VPS37A: variants seen among roughly 807,000 people sequenced by gnomAD.
VPS37A encodes the protein vacuolar protein sorting-associated protein 37A.
Under a neutral mutation model 49.8 loss-of-function variants are expected in VPS37A, and 30 were observed. The ratio of observed to expected loss-of-function variants is 0.60; its 90% CI spans 0.45 to 0.82. VPS37A has a LOEUF of 0.82. Ranked by LOEUF, VPS37A falls within the 40% of genes least tolerant of loss-of-function variation. The pLI is 0.00. For synonymous variants in VPS37A, 195 were observed against 160.6 expected, an observed-to-expected ratio of 1.21 and a Z score of -1.62; for missense variants, 593 against 464.4, an observed-to-expected ratio of 1.28 and a Z score of -2.55.
the VPS37A span, among the ~76,000 whole-genome samples, chr8:17,325,584 T>G: frequency 1.3e-5 from 2 of 152,226 alleles, no homozygotes; most frequent in Non-Finnish European, 2.9e-5. Context: ...ATGCCTGAGC[T>G]GACGCGGGGC....
intron 1 of VPS37A, among the ~76,000 whole-genome samples, chr8:17,251,492 G>A (rs1335841915): frequency 2.0e-5 from 3 of 152,174 alleles, no homozygotes; most frequent in African/African-American, 4.8e-5. Flanking sequence ...CATAGAATCA[G>A]TGTGCTTGAA....
chr8:17,330,818 T>G, the VPS37A span, among the ~76,000 whole-genome samples: 1 of 152,214 alleles, frequency 6.6e-6, no homozygotes, highest in Non-Finnish European at 1.5e-5. Context: ...TTGCTTTAAA[T>G]GTAGGATTGC....
intron 10 of VPS37A, among the ~76,000 whole-genome samples, chr8:17,285,067 T>TG (rs1815461711): frequency 6.6e-6 from 1 of 152,102 alleles, no homozygotes; most frequent in Admixed American, 6.5e-5. Flanking sequence ...AATTTTTTTT[T>TG]TGACAGCATA....
chr8:17,325,836 T>C, the VPS37A span, among the ~76,000 whole-genome samples: 4 of 152,186 alleles, frequency 2.6e-5, no homozygotes, highest in Non-Finnish European at 5.9e-5. Context: ...TAGGAAGGCA[T>C]GGGGCCTACC....
the VPS37A span, chr8:17,331,199 C>G: frequency 6.2e-7 from 1 of 1,612,786 alleles, no homozygotes; most frequent in Non-Finnish European, 8.5e-7. Context: ...TGTTCTCTAT[C>G]CCGATAAACT....
chr8:17,287,058 C>T (rs950189594), intron 11 of VPS37A, among the ~76,000 whole-genome samples: 2 of 152,122 alleles, frequency 1.3e-5, no homozygotes, highest in African/African-American at 2.4e-5. Context: ...CCTTACATTG[C>T]GTTGTCTTAC....
At chr8:17,302,378 T>A (rs1817174471), downstream of VPS37A, 2 of 1,339,836 alleles carry the variant, frequency 1.5e-6, no homozygotes, top group Non-Finnish European at 2.0e-6. Flanking sequence ...ACAGTCTTAA[T>A]AATAACCAAA....
At position 17,287,156 on chromosome 8, in the gene VPS37A, T is replaced by C. The variant is rs73208589; in HGVS notation, c.*729T>C. 3.4e-3 allele frequency among the ~76,000 whole-genome samples: 524 copies of C among 152,318 alleles called. 2 individuals carry two copies. The highest frequency in any genetic ancestry group is 4.4e-3 in the Non-Finnish European group (301 of 68,020). ...CTTTCCTTTTCCTCTGCATCTGTTT[T>C]GTTTTAGGAATGATTTGTTTGCAAG... On this transcript the variant is annotated intron_variant, in intron 11 of 11. Coordinates refer to ENST00000324849, the MANE Select transcript of VPS37A (RefSeq NM_152415.3).
chr8:17,274,388 C>T (rs1814299979), intron 4 of VPS37A, among the ~76,000 whole-genome samples: 1 of 152,164 alleles, frequency 6.6e-6, no homozygotes, highest in African/African-American at 2.4e-5. Flanking sequence ...GCTCTGCATT[C>T]CCTCTATGGA....
chr8:17,274,225 G>T (rs138721137), intron 4 of VPS37A, among the ~76,000 whole-genome samples: 1 of 152,202 alleles, frequency 6.6e-6, no homozygotes, highest in Non-Finnish European at 1.5e-5. Flanking sequence ...ATATGCATCT[G>T]TTTTTAATAT....
At position 17,297,622 on chromosome 8, in the gene VPS37A, A is replaced by C. The variant is rs1816786906; in HGVS notation, c.*2636A>C. The C allele has an allele frequency of 6.6e-6, 1 of 152,072 alleles. No individual in the cohort carries two copies. The highest frequency in any genetic ancestry group is 6.6e-5 in the Admixed American group (1 of 15,260). The allele number at this position is 152,072 out of a possible 1,614,324, so 9.4% of individuals were successfully genotyped here. ...TTCTATATATTACTAATTGGGAAGT[A>C]ATATGCCTCAAATCAGTTTTATACT... On this transcript the variant is annotated 3_prime_UTR_variant, in exon 12 of 12. Transcript: ENST00000324849.
At chr8:17,269,571 G>C (rs1164879195) in intron 4 of VPS37A, among the ~76,000 whole-genome samples, 6 of 152,128 alleles carry the variant, frequency 3.9e-5, no homozygotes, top group African/African-American at 1.4e-4. Context: ...TATCAAACCA[G>C]TAAGATAATA....
chr8:17,329,650 ATAACT>A, the VPS37A span, among the ~76,000 whole-genome samples: 1 of 152,250 alleles, frequency 6.6e-6, no homozygotes, highest in African/African-American at 2.4e-5. Context: ...AAAAATTTAA[ATAACT>A]TAAGGGTCCT....
the VPS37A span, among the ~76,000 whole-genome samples, chr8:17,316,688 A>G: frequency 6.6e-6 from 1 of 152,244 alleles, no homozygotes; most frequent in African/African-American, 2.4e-5. Flanking sequence ...AATAATGGTA[A>G]TAGAAAACCA....
At chr8:17,287,603 G>T (rs368779915) in intron 11 of VPS37A, among the ~76,000 whole-genome samples, 1 of 151,910 alleles carries the variant, frequency 6.6e-6, no homozygotes, top group African/African-American at 2.4e-5. Context: ...GCATGAACCT[G>T]GGAGGCAGAC....
the VPS37A span, among the ~76,000 whole-genome samples, chr8:17,322,445 T>C: frequency 6.6e-6 from 1 of 152,226 alleles, no homozygotes; most frequent in African/African-American, 2.4e-5. Flanking sequence ...TGTATCATGG[T>C]AACCTGTACT....
chr8:17,322,717 C>G, the VPS37A span, among the ~76,000 whole-genome samples: 1 of 151,862 alleles, frequency 6.6e-6, no homozygotes, highest in Admixed American at 6.6e-5. Flanking sequence ...CCCAGATACT[C>G]AGGAGGGTGA....
At chr8:17,258,035 T>C (rs529504253) in intron 1 of VPS37A, among the ~76,000 whole-genome samples, 26 of 152,310 alleles carry the variant, frequency 1.7e-4, no homozygotes, top group Middle Eastern at 3.4e-3. Flanking sequence ...GTTTTTTGTT[T>C]GTCTGTTTTT....
intron 10 of VPS37A, 116 bp from the exon 11 acceptor site, chr8:17,286,231 A>G (rs1815571971): frequency 2.6e-6 from 2 of 782,976 alleles, no homozygotes; most frequent in Non-Finnish European, 4.1e-6. Context: ...TATCTTCAAC[A>G]TTCAAAACAT....
Sources: allele counts gnomAD v4.1 joint callset (sites outside exome capture counted in the v4.1 genomes callset), GRCh38; gene constraint gnomAD v4.1.1; transcripts MANE v1.5; gene names NCBI Gene and HGNC (gene_info 2026-07-23, HGNC 2026-07-21).